RBFOX1: variants seen among roughly 807,000 people sequenced by gnomAD.
RBFOX1 encodes the protein RNA binding fox-1 homolog 1.
Under a neutral mutation model 57.7 loss-of-function variants are expected in RBFOX1, and 8 were observed. The observed-to-expected ratio is 0.14, with a 90% confidence interval of 0.08 to 0.25. The LOEUF is 0.25. Ranked by LOEUF, RBFOX1 falls within the 10% of genes least tolerant of loss-of-function variation. RBFOX1 has a pLI of 1.00. For missense variants in RBFOX1, 611 were observed against 548.5 expected (o/e 1.11, Z -1.14); for synonymous variants, 326 against 222.4 (o/e 1.47, Z -4.15).
At chr16:7,337,015 C>G (rs2096800709) in intron 4 of RBFOX1, among the ~76,000 whole-genome samples, 1 of 152,202 alleles carries the variant, frequency 6.6e-6, no homozygotes, top group Non-Finnish European at 1.5e-5. Context: ...ACTGAAATAA[C>G]TTTCTGAAAA....
chr16:6,452,624 A>G (rs2094659384), intron 2 of RBFOX1, among the ~76,000 whole-genome samples: 1 of 152,340 alleles, frequency 6.6e-6, no homozygotes, highest in Non-Finnish European at 1.5e-5. Flanking sequence ...AATAGCATCA[A>G]TGAGAAAAAT....
intron 2 of RBFOX1, among the ~76,000 whole-genome samples, chr16:5,493,454 G>A (rs2042899798): frequency 6.6e-6 from 1 of 152,166 alleles, no homozygotes. Flanking sequence ...GGTGTAATGA[G>A]TTGGAAATAG....
At chr16:7,325,325 G>A (rs750198298) in intron 4 of RBFOX1, among the ~76,000 whole-genome samples, 1 of 152,134 alleles carries the variant, frequency 6.6e-6, no homozygotes, top group Non-Finnish European at 1.5e-5. Context: ...TGATGTGCAC[G>A]GGAACACACA....
intron 4 of RBFOX1, among the ~76,000 whole-genome samples, chr16:7,302,637 A>C (rs4238875): frequency 0.44 from 65,757 of 149,196 alleles, 16,388 homozygotes; most frequent in East Asian, 0.82. Flanking sequence ...TGAAAACAAA[A>C]AAAAAAAAAA....
chr16:6,021,414 G>A (rs1401964629), intron 1 of RBFOX1, among the ~76,000 whole-genome samples: 1 of 152,132 alleles, frequency 6.6e-6, no homozygotes, highest in Non-Finnish European at 1.5e-5. Context: ...CAGAGGCCCC[G>A]GCTGGAGCTA....
intron 4 of RBFOX1, among the ~76,000 whole-genome samples, chr16:7,456,613 G>A (rs957814721): frequency 2.0e-5 from 3 of 152,176 alleles, no homozygotes; most frequent in Non-Finnish European, 4.4e-5. Context: ...AGGGGGTATT[G>A]TGGTTGGGAG....
Position 7,518,170 on chromosome 16 carries a change from C to A in RBFOX1, c.51C>A (p.Ala17=), listed in dbSNP as rs139265655. The A allele has an allele frequency of 1.4e-4, 231 of 1,613,186 alleles. No individual in the cohort carries two copies. Among genetic ancestry groups the A allele is most frequent in the Non-Finnish European group, 1.9e-4 (225 of 1,179,582 alleles). ...QLRGNQEAAA[A]PDTMAQPYAS... ...AGGGTAATCAGGAAGCAGCCGCTGCCCCTGACACAATGGCTCAGCCTTACG... is the reference window on the plus strand; with the variant it reads ...AGGGTAATCAGGAAGCAGCCGCTGCACCTGACACAATGGCTCAGCCTTACG... Residue 17 remains alanine (A), a synonymous_variant, in exon 5 of 16, where the codon GCC becomes GCA. Transcript: ENST00000550418.
intron 2 of RBFOX1, among the ~76,000 whole-genome samples, chr16:6,594,454 C>G (rs564584441): frequency 6.6e-6 from 1 of 152,142 alleles, no homozygotes; most frequent in Admixed American, 6.5e-5. Flanking sequence ...CTGTGGCAAA[C>G]TCGGCAATAA....
intron 3 of RBFOX1, among the ~76,000 whole-genome samples, chr16:6,720,834 C>G (rs896405740): frequency 6.6e-6 from 1 of 152,136 alleles, no homozygotes; most frequent in Admixed American, 6.6e-5. Context: ...AAGTGTATCC[C>G]ACAAGTGAAT....
At chr16:7,187,362 C>G (rs1057423789) in intron 4 of RBFOX1, among the ~76,000 whole-genome samples, 12 of 151,944 alleles carry the variant, frequency 7.9e-5, no homozygotes, top group African/African-American at 2.7e-4. Flanking sequence ...TGTGTGAAGT[C>G]TTACAAAGAA....
chr16:7,509,635 G>A (rs2074446639), intron 4 of RBFOX1, among the ~76,000 whole-genome samples: 1 of 152,114 alleles, frequency 6.6e-6, no homozygotes, highest in African/African-American at 2.4e-5. Flanking sequence ...ATCAGTTATG[G>A]TATTTTTAAG....
Position 6,708,906 on chromosome 16 carries a change from A to G in RBFOX1, c.-16+54256A>G, listed in dbSNP as rs576307968. ...TTTCCTCTTCTCTGCTTCCCACTCC[A>G]TTGCGTCCCCAACAGCTTAAGCCAA... On this transcript the variant is annotated intron_variant, in intron 3 of 15. Transcript: ENST00000550418. 2.3e-4 allele frequency among the ~76,000 whole-genome samples: 35 copies of G among 151,442 alleles called. 1 individual carries two copies. The highest frequency in any genetic ancestry group is 1.8e-3 in the Admixed American group (28 of 15,164).
chr16:5,525,179 G>T (rs1201246007), intron 2 of RBFOX1, among the ~76,000 whole-genome samples: 1 of 152,156 alleles, frequency 6.6e-6, no homozygotes, highest in African/African-American at 2.4e-5. Context: ...GCTTGTCAGG[G>T]ACAGCTGTCA....
At chr16:6,344,041 TTCA>T (rs1236437263) in intron 2 of RBFOX1, among the ~76,000 whole-genome samples, 2 of 152,162 alleles carry the variant, frequency 1.3e-5, no homozygotes, top group African/African-American at 4.8e-5. Context: ...TCAGTCCTTC[TTCA>T]TCTCTATTTC....
intron 4 of RBFOX1, among the ~76,000 whole-genome samples, chr16:7,450,724 A>C (rs1243869531): frequency 6.6e-6 from 1 of 152,040 alleles, no homozygotes; most frequent in East Asian, 1.9e-4. Context: ...CATGGATGCT[A>C]ATGGTTAGGT....
At chr16:6,362,524 C>G (rs747162909) in intron 2 of RBFOX1, among the ~76,000 whole-genome samples, 2 of 152,140 alleles carry the variant, frequency 1.3e-5, no homozygotes, top group African/African-American at 2.4e-5. Context: ...CATTTGTGTG[C>G]CAGGACATAT....
chr16:7,310,871 G>GC (rs1568149156), intron 4 of RBFOX1, among the ~76,000 whole-genome samples: 1 of 152,132 alleles, frequency 6.6e-6, no homozygotes, highest in Non-Finnish European at 1.5e-5. Context: ...CAAAGCAAAG[G>GC]CCCCTGTCCT....
chr16:5,864,796 A>G (rs1053171990), intron 3 of RBFOX1, among the ~76,000 whole-genome samples: 2 of 152,190 alleles, frequency 1.3e-5, no homozygotes, highest in Admixed American at 1.3e-4. Context: ...GCCTGGGAAA[A>G]ACTGAAACGC....
chr16:7,234,616 ATG>A (rs1297053741), intron 4 of RBFOX1, among the ~76,000 whole-genome samples: 13 of 150,110 alleles, frequency 8.7e-5, no homozygotes, highest in African/African-American at 3.2e-4. Flanking sequence ...GTGTATATAT[ATG>A]TTTGTATGTG....
Sources: gnomAD v4.1 joint callset for allele counts (sites outside exome capture counted in the v4.1 genomes callset) on GRCh38, gnomAD v4.1.1 for gene constraint, MANE v1.5 for transcripts, NCBI Gene and HGNC (gene_info 2026-07-23, HGNC 2026-07-21) for gene names.